SNAP23: variants seen among roughly 807,000 people sequenced by gnomAD.
The protein encoded by SNAP23 is synaptosomal-associated protein 23.
Under a neutral mutation model 29.0 loss-of-function variants are expected in SNAP23, and 11 were observed. The ratio of observed to expected loss-of-function variants is 0.38; its 90% CI spans 0.24 to 0.63. SNAP23 has a LOEUF of 0.63. Among genes scored for constraint, SNAP23 ranks in the 20% least tolerant of loss-of-function variants. The pLI is 0.58. For missense variants in SNAP23, 220 were observed against 253.9 expected (o/e 0.87, Z 0.91); for synonymous variants, 60 against 82.9 (o/e 0.72, Z 1.50).
chr15:42,517,042 C>T (rs1200744628), intron 5 of SNAP23, among the ~76,000 whole-genome samples: 1 of 152,180 alleles, frequency 6.6e-6, no homozygotes, highest in African/African-American at 2.4e-5. Context: ...GCCTCAGCCT[C>T]CCAAGTAGCT....
intron 1 of SNAP23, among the ~76,000 whole-genome samples, chr15:42,499,306 A>T (rs1567041435): frequency 6.6e-6 from 1 of 152,220 alleles, no homozygotes; most frequent in Non-Finnish European, 1.5e-5. Flanking sequence ...TCCCGACCTC[A>T]GGTGATCCGC....
At chr15:42,499,069 C>T (rs2057246685) in intron 1 of SNAP23, among the ~76,000 whole-genome samples, 1 of 151,176 alleles carries the variant, frequency 6.6e-6, no homozygotes, top group African/African-American at 2.4e-5. Context: ...CTAAAGGTCA[C>T]ATCTTTTTTT....
chr15:42,506,377 A>G (rs988422188), intron 1 of SNAP23, among the ~76,000 whole-genome samples: 1 of 152,146 alleles, frequency 6.6e-6, no homozygotes, highest in African/African-American at 2.4e-5. Context: ...AGCTGGGACT[A>G]CAGGCACTGG....
chr15:42,529,683 A>G lies in SNAP23; in HGVS notation c.434A>G (p.Asn145Ser). ...ASGGYIKRIT[N>S]DAREDEMEEN... is the part of the protein sequence containing the mutation. ...CTGTCTTCTTGTGATAGCATAACTA[A>G]TGATGCCAGAGAAGATGAAATGGAA... The change falls in exon 7 of 8, where the codon AAT becomes AGT. Residue 145 changes from asparagine to serine, a missense_variant. Transcript: ENST00000249647. 6.2e-7 allele frequency: 1 copy of G among 1,613,526 alleles called. No homozygotes were observed. The highest frequency in any genetic ancestry group is 1.7e-4 in the Middle Eastern group (1 of 6,060).
Position 42,513,007 on chromosome 15 carries a change from G to C in SNAP23, c.99+11G>C. 6.3e-7 allele frequency: 1 copy of C among 1,596,276 alleles called. No homozygotes were observed. The highest frequency in any genetic ancestry group is 8.6e-7 in the Non-Finnish European group (1 of 1,163,782). On this transcript the variant is annotated intron_variant, in intron 3 of 7. Coordinates refer to ENST00000249647, the MANE Select transcript of SNAP23 (RefSeq NM_003825.4). ...GGTTTAGCCATTGAGGTAAGAAAAT[G>C]TTAGTCATCAACTTAAGTATAGAAA... is the stretch of plus-strand genomic sequence containing the variant.
chr15:42,518,408 G>A (rs765830869), intron 5 of SNAP23, among the ~76,000 whole-genome samples: 14 of 151,212 alleles, frequency 9.3e-5, no homozygotes, highest in Non-Finnish European at 1.8e-4. Flanking sequence ...TTTGCCATTT[G>A]GAAATACTTT....
intron 1 of SNAP23, among the ~76,000 whole-genome samples, chr15:42,503,821 T>G (rs2057295810): frequency 6.6e-6 from 1 of 152,156 alleles, no homozygotes; most frequent in Non-Finnish European, 1.5e-5. Flanking sequence ...AGCTGTTTAG[T>G]AGATACGATT....
chr15:42,498,722 A>C (rs2057244541), intron 1 of SNAP23, among the ~76,000 whole-genome samples: 1 of 152,226 alleles, frequency 6.6e-6, no homozygotes, highest in Non-Finnish European at 1.5e-5. Flanking sequence ...TGGTGGTCTC[A>C]GCTCAGTGAT....
In SNAP23 at chr15:42,532,903, C is replaced by T. The variant is rs1014740082; in HGVS notation, c.*1425C>T. The T allele has an allele frequency of 9.2e-5, 14 of 152,602 alleles. No individual in the cohort carries two copies. The highest frequency in any genetic ancestry group is 3.4e-4 in the African/African-American group (14 of 41,432). The allele number at this position is 152,602 out of a possible 1,614,324, so 9.5% of individuals were successfully genotyped here. On this transcript the variant is annotated 3_prime_UTR_variant, in exon 8 of 8. Transcript: ENST00000249647. Reference sequence around the variant, plus strand: ...TTGTGTATTGAACTATGTCCATAATCAAGTTGATGTGGATCCTGAAAAGTG... The same window carrying T: ...TTGTGTATTGAACTATGTCCATAATTAAGTTGATGTGGATCCTGAAAAGTG...
At chr15:42,530,551 G>T (rs908548382) in intron 7 of SNAP23, among the ~76,000 whole-genome samples, 1 of 152,098 alleles carries the variant, frequency 6.6e-6, no homozygotes, top group Non-Finnish European at 1.5e-5. Flanking sequence ...CTTGAGCTCA[G>T]GAGTTTGAGA....
intron 4 of SNAP23, 72 bp downstream of exon 4, chr15:42,513,519 A>G: frequency 8.0e-7 from 1 of 1,254,996 alleles, no homozygotes; most frequent in Non-Finnish European, 1.2e-6. Flanking sequence ...TTAGCCACAT[A>G]CAAATTTCAG....
At chr15:42,513,594 A>G in intron 4 of SNAP23, 147 bp downstream of exon 4, 2 of 686,656 alleles carry the variant, frequency 2.9e-6, no homozygotes, top group Non-Finnish European at 5.2e-6. Flanking sequence ...TTCTGATTTG[A>G]ATTATATATC....
chr15:42,523,947 G>GCTGGGATTACAGGCAC (rs2057471964), intron 5 of SNAP23, among the ~76,000 whole-genome samples: 1 of 152,060 alleles, frequency 6.6e-6, no homozygotes, highest in African/African-American at 2.4e-5. Context: ...CTCCCAAGTA[G>GCTGGGATTACAGGCAC]CTGGGATTAC....
intron 2 of SNAP23, 97 bp from the exon 3 acceptor site, chr15:42,512,858 C>T: frequency 2.2e-6 from 2 of 913,006 alleles, no homozygotes; most frequent in Non-Finnish European, 3.5e-6. Flanking sequence ...CCTGAGCTGG[C>T]AATTTTTAAA....
At chr15:42,494,512 T>C (rs1480748542), upstream of SNAP23, among the ~76,000 whole-genome samples, 4 of 1,450 alleles carry the variant, frequency 2.8e-3, no homozygotes, top group Admixed American at 0.045. Context: ...TTTTCTTTCT[T>C]TTTTTTTTTT....
upstream of SNAP23, chr15:42,495,230 G>A (rs556535039): frequency 6.6e-6 from 1 of 152,288 alleles, no homozygotes; most frequent in East Asian, 1.9e-4. Context: ...ACACCCCTAA[G>A]AATAAAACGC....
intron 6 of SNAP23, 119 bp downstream of exon 6, chr15:42,528,539 TA>T: frequency 9.7e-7 from 1 of 1,026,332 alleles, no homozygotes; most frequent in Non-Finnish European, 1.4e-6. Flanking sequence ...ATTCCATTTT[TA>T]AAATGCATTT....
At chr15:42,528,547 AT>A (rs979661532) in intron 6 of SNAP23, 127 bp downstream of exon 6, 2 of 984,928 alleles carry the variant, frequency 2.0e-6, no homozygotes, top group Non-Finnish European at 2.9e-6. Context: ...TTTAAAATGC[AT>A]TTAAAAATCT....
At chr15:42,525,527 G>A (rs1223847111) in intron 5 of SNAP23, among the ~76,000 whole-genome samples, 2 of 117,938 alleles carry the variant, frequency 1.7e-5, no homozygotes, top group Non-Finnish European at 3.2e-5. Flanking sequence ...GCAGTGGCAC[G>A]ATCTGGGCTC....
Sources: allele counts gnomAD v4.1 joint callset (sites outside exome capture counted in the v4.1 genomes callset), GRCh38; gene constraint gnomAD v4.1.1; transcripts MANE v1.5; gene names NCBI Gene and HGNC (gene_info 2026-07-23, HGNC 2026-07-21).